The following WWOX variants were observed in gnomAD, a reference collection of about 807,000 sequenced individuals.
WWOX encodes the protein WW domain containing oxidoreductase.
In WWOX, 69 loss-of-function variants were observed where a neutral mutation model predicts 46.2. The ratio of observed to expected loss-of-function variants is 1.49; its 90% CI spans 1.23 to 1.82. The LOEUF (loss-of-function observed/expected upper bound fraction) is 1.82. Ranked by LOEUF, WWOX falls within the 40% of genes most tolerant of loss-of-function variation. The pLI, the probability that WWOX is intolerant of heterozygous loss-of-function variation, is 0.00. For synonymous variants in WWOX, 359 were observed against 202.6 expected (o/e 1.77, Z -6.56); for missense variants, 919 against 542.6 (o/e 1.69, Z -6.89).
chr16:78,739,490 C>T (rs184485765), intron 8 of WWOX, among the ~76,000 whole-genome samples: 9 of 152,118 alleles, frequency 5.9e-5, no homozygotes, highest in East Asian at 1.9e-4. Flanking sequence ...GACAACAGGT[C>T]GGTAAGAAGA....
In WWOX at chr16:78,245,341, G is replaced by A. The variant is rs558324862; in HGVS notation, c.516+81052G>A. On this transcript the variant is annotated intron_variant, in intron 5 of 8. Coordinates refer to ENST00000566780, the MANE Select transcript of WWOX (RefSeq NM_016373.4). ...TTTCAGTCGTCATTTCCATGGCCAC[G>A]AACATCTTTGGTTCTAAAGCATTTT... 4.6e-4 allele frequency among the ~76,000 whole-genome samples: 70 copies of A among 152,222 alleles called. No homozygotes were observed. In the Middle Eastern group the frequency reaches 0.01, roughly 22 times the overall value.
chr16:78,869,608 G>A (rs911284361), intron 8 of WWOX, among the ~76,000 whole-genome samples: 22 of 152,210 alleles, frequency 1.4e-4, no homozygotes, highest in African/African-American at 5.3e-4. Context: ...GCATGGGCTC[G>A]TTGGGAAAGG....
intron 5 of WWOX, among the ~76,000 whole-genome samples, chr16:78,306,472 A>C (rs1209227147): frequency 6.6e-6 from 1 of 152,120 alleles, no homozygotes. Context: ...TCATCTGGGC[A>C]CCTTTCCCAA....
intron 8 of WWOX, among the ~76,000 whole-genome samples, chr16:79,001,092 G>A (rs941284638): frequency 6.6e-6 from 1 of 152,214 alleles, no homozygotes; most frequent in African/African-American, 2.4e-5. Context: ...AGAAGGGCAA[G>A]GTACTATGAA....
At chr16:79,069,957 T>A (rs1597345450) in intron 8 of WWOX, among the ~76,000 whole-genome samples, 2 of 152,240 alleles carry the variant, frequency 1.3e-5, no homozygotes, top group South Asian at 4.1e-4. Context: ...TATTTAAGGA[T>A]GTTCAAGGCA....
intron 8 of WWOX, among the ~76,000 whole-genome samples, chr16:79,033,676 C>G (rs2047810142): frequency 6.6e-6 from 1 of 152,174 alleles, no homozygotes; most frequent in Non-Finnish European, 1.5e-5. Flanking sequence ...TTTCATCGTG[C>G]AAAACTGAAA....
rs144986791 is a variant in WWOX at position 78,813,188 on chromosome 16, C to T, written c.1056+380436C>T. Among the ~76,000 whole-genome samples, 359 of 149,766 alleles carry T rather than the reference C, an allele frequency of 2.4e-3. 1 individual carries two copies. The highest frequency in any genetic ancestry group is 8.3e-3 in the African/African-American group (337 of 40,768). Reference sequence around the variant, plus strand: ...CTCAAATGTACCTTTAATATTGCTTCTGATTTTTGTTGTTTTGCTATCATA... The same window carrying T: ...CTCAAATGTACCTTTAATATTGCTTTTGATTTTTGTTGTTTTGCTATCATA... On this transcript the variant is annotated intron_variant, in intron 8 of 8. Transcript: ENST00000566780.
chr16:79,039,376 G>A lies in WWOX; in HGVS notation c.1057-172232G>A, dbSNP rs1184809219. On this transcript the variant is annotated intron_variant, in intron 8 of 8. Coordinates refer to ENST00000566780, the MANE Select transcript of WWOX (RefSeq NM_016373.4). ...ATTGAGGACTAAGTGGGACCAGGCC[G>A]AAAACGACCCCCTTCCCCCATAGGA... Among the ~76,000 whole-genome samples the A allele has an allele frequency of 4.6e-5, 7 of 151,986 alleles. No homozygotes were observed. The East Asian group carries it at 7.7e-4, about 17-fold the overall frequency.
intron 5 of WWOX, among the ~76,000 whole-genome samples, chr16:78,263,406 C>T (rs756098335): frequency 2.6e-5 from 4 of 152,084 alleles, no homozygotes; most frequent in Non-Finnish European, 5.9e-5. Flanking sequence ...ATGTGGGGTC[C>T]GGCTCCCCTG....
At chr16:78,231,718 C>T (rs1176420330) in intron 5 of WWOX, among the ~76,000 whole-genome samples, 1 of 152,104 alleles carries the variant, frequency 6.6e-6, no homozygotes, top group Non-Finnish European at 1.5e-5. Flanking sequence ...TTGCCATTGG[C>T]TGAGTGGAAC....
chr16:78,550,569 A>ATT (rs1555561387), intron 8 of WWOX, among the ~76,000 whole-genome samples: 2 of 152,170 alleles, frequency 1.3e-5, no homozygotes, highest in Non-Finnish European at 2.9e-5. Context: ...AGAACATGAT[A>ATT]TTTTCTACTA....
Position 78,614,974 on chromosome 16 carries a change from C to A in WWOX, c.1056+182222C>A, listed in dbSNP as rs1045542830. On this transcript the variant is annotated intron_variant, in intron 8 of 8. Transcript: ENST00000566780. Reference sequence around the variant, plus strand: ...TAATCAGTTGATACATGTTTAATCACGTTTTGCTCTGGGCTGTGTTATATA... The same window carrying A: ...TAATCAGTTGATACATGTTTAATCAAGTTTTGCTCTGGGCTGTGTTATATA... Among the ~76,000 whole-genome samples, 3 of 152,180 alleles carry A rather than the reference C, an allele frequency of 2.0e-5. No homozygotes were observed. In the South Asian group the frequency reaches 6.2e-4, roughly 32 times the overall value.
chr16:78,584,185 C>T lies in WWOX; in HGVS notation c.1056+151433C>T, dbSNP rs138071717. Reference sequence around the variant, plus strand: ...TCCTTCTCTAAGACTAACACAAGGCCTGGCATAATCATTGTCATCACCATC... The same window carrying T: ...TCCTTCTCTAAGACTAACACAAGGCTTGGCATAATCATTGTCATCACCATC... On this transcript the variant is annotated intron_variant, in intron 8 of 8. Coordinates refer to ENST00000566780, the MANE Select transcript of WWOX (RefSeq NM_016373.4). Among the ~76,000 whole-genome samples the T allele has an allele frequency of 2.5e-3, 386 of 152,308 alleles. 4 individuals are homozygous for T. Among genetic ancestry groups the T allele is most frequent in the African/African-American group, 8.9e-3 (370 of 41,576 alleles).
In WWOX at chr16:78,263,996, CTT is replaced by C. The variant is rs757195574; in HGVS notation, c.516+99725_516+99726del. On this transcript the variant is annotated intron_variant, in intron 5 of 8. Coordinates refer to ENST00000566780, the MANE Select transcript of WWOX (RefSeq NM_016373.4). ...AGAAATATGTGTTTGGCTGTGAAAT[CTT>C]TTTTTTTTTTTTTTTTTGTTTTTTT... 5.0e-3 allele frequency among the ~76,000 whole-genome samples: 392 copies of C among 78,808 alleles called. 2 individuals carry two copies. The highest frequency in any genetic ancestry group is 6.5e-3 in the Non-Finnish European group (296 of 45,538). 51.7% of individuals were successfully genotyped at this position (78,808 alleles called of 152,430 possible). A position where few individuals can be genotyped will look rare whatever the true frequency, so the allele number is the denominator to read the frequency against.
chr16:78,412,962 C>A (rs141903493), intron 6 of WWOX, among the ~76,000 whole-genome samples: 8 of 152,106 alleles, frequency 5.3e-5, no homozygotes, highest in Admixed American at 1.3e-4. Context: ...GCATTTCTTT[C>A]CTTCTGTTCT....
chr16:78,800,790 G>A (rs953255722), intron 8 of WWOX, among the ~76,000 whole-genome samples: 1 of 152,120 alleles, frequency 6.6e-6, no homozygotes, highest in South Asian at 2.1e-4. Flanking sequence ...CAGGCATGTA[G>A]CAGCCACAGC....
intron 8 of WWOX, among the ~76,000 whole-genome samples, chr16:79,145,280 A>G (rs2050164022): frequency 6.6e-6 from 1 of 152,234 alleles, no homozygotes; most frequent in African/African-American, 2.4e-5. Context: ...AGAAGTCGTG[A>G]TAAAGCCAAC....
chr16:78,124,363 C>T (rs2033264588), intron 4 of WWOX: 1 of 152,108 alleles, frequency 6.6e-6, no homozygotes, highest in South Asian at 2.1e-4. Flanking sequence ...TTATAGACTT[C>T]ATAATAAATA....
chr16:78,323,531 A>T (rs1382730997), intron 5 of WWOX, among the ~76,000 whole-genome samples: 1 of 152,126 alleles, frequency 6.6e-6, no homozygotes, highest in Non-Finnish European at 1.5e-5. Context: ...TTAAACTAAT[A>T]GGTTACTGGG....
Sources: gnomAD v4.1 joint callset for allele counts (sites outside exome capture counted in the v4.1 genomes callset) on GRCh38, gnomAD v4.1.1 for gene constraint, MANE v1.5 for transcripts, NCBI Gene and HGNC (gene_info 2026-07-23, HGNC 2026-07-21) for gene names.